SEL1L2: variants seen among roughly 807,000 people sequenced by gnomAD.
The protein encoded by SEL1L2 is protein sel-1 homolog 2.
Under a neutral mutation model 98.8 loss-of-function variants are expected in SEL1L2, and 89 were observed. The observed-to-expected ratio is 0.90, with a 90% CI of 0.76 to 1.07. The LOEUF (loss-of-function observed/expected upper bound fraction) is 1.07. Ranked by LOEUF, SEL1L2 falls within the 50% of genes least tolerant of loss-of-function variation. The pLI is 0.00. For missense variants in SEL1L2, 788 were observed against 812.0 expected, an observed-to-expected ratio of 0.97 and a Z score of 0.36; for synonymous variants, 262 against 278.5, an observed-to-expected ratio of 0.94 and a Z score of 0.59.
intron 5 of SEL1L2, among the ~76,000 whole-genome samples, chr20:13,906,335 A>C (rs930249823): frequency 7.9e-5 from 12 of 152,216 alleles, no homozygotes; most frequent in African/African-American, 2.9e-4. Flanking sequence ...TTAAACATTA[A>C]ATATTCCTCC....
chr20:13,987,262 T>C lies in SEL1L2; in HGVS notation c.58+3215A>G, dbSNP rs563478431. Among the ~76,000 whole-genome samples, 3 of 152,262 alleles carry C rather than the reference T, an allele frequency of 2.0e-5. No homozygotes were observed. The East Asian group carries it at 5.8e-4, about 29-fold the overall frequency. Reference sequence around the variant, plus strand: ...CCATTTTATATTCCAACCAGCAATGTGTGAAGGTTCTTGTTTCTCCACATC... The same window carrying C: ...CCATTTTATATTCCAACCAGCAATGCGTGAAGGTTCTTGTTTCTCCACATC... On this transcript the variant is annotated intron_variant, in intron 1 of 19. Transcript: ENST00000284951.
intron 5 of SEL1L2, among the ~76,000 whole-genome samples, chr20:13,897,352 A>G (rs769107653): frequency 1.3e-5 from 2 of 152,168 alleles, no homozygotes; most frequent in South Asian, 2.1e-4. Context: ...TTTGGCAGTG[A>G]TTTCTTGGAT....
intron 5 of SEL1L2, among the ~76,000 whole-genome samples, chr20:13,893,989 A>G (rs2047317984): frequency 6.6e-6 from 1 of 152,188 alleles, no homozygotes; most frequent in Non-Finnish European, 1.5e-5. Flanking sequence ...AAATGAAAAC[A>G]AACAACAAAA....
intron 5 of SEL1L2, among the ~76,000 whole-genome samples, chr20:13,896,445 G>C (rs1292206384): frequency 1.3e-5 from 2 of 152,028 alleles, no homozygotes; most frequent in Admixed American, 6.6e-5. Context: ...ACTCCAGCCT[G>C]GGCGACAGAG....
chr20:13,960,925 A>G (rs1387058212), intron 1 of SEL1L2, among the ~76,000 whole-genome samples: 1 of 152,212 alleles, frequency 6.6e-6, no homozygotes, highest in Non-Finnish European at 1.5e-5. Context: ...ATAAATATAT[A>G]TAATAGCGTA....
At chr20:13,865,771 T>C (rs910130301) in intron 15 of SEL1L2, among the ~76,000 whole-genome samples, 1 of 152,178 alleles carries the variant, frequency 6.6e-6, no homozygotes, top group Non-Finnish European at 1.5e-5. Flanking sequence ...ATTTGTATAA[T>C]AAACTTTCCT....
chr20:13,915,468 C>A (rs1330489139), intron 4 of SEL1L2, among the ~76,000 whole-genome samples: 3 of 152,156 alleles, frequency 2.0e-5, no homozygotes, highest in African/African-American at 4.8e-5. Context: ...CTCCCTTGAG[C>A]CTTTCTGTCA....
At chr20:13,939,323 G>A (rs1230242372) in intron 2 of SEL1L2, among the ~76,000 whole-genome samples, 4 of 151,968 alleles carry the variant, frequency 2.6e-5, no homozygotes, top group Admixed American at 6.5e-5. Context: ...GATTACAGGC[G>A]TGAGCCACCA....
chr20:13,865,393 C>T lies in SEL1L2; in HGVS notation c.1526G>A (p.Gly509Glu), dbSNP rs770147699. The T allele has an allele frequency of 2.5e-6, 4 of 1,613,824 alleles. No homozygotes were observed. The highest frequency in any genetic ancestry group is 2.5e-6 in the Non-Finnish European group (3 of 1,179,964). ...TGAATTGCTTTGAGCTACTTCATACCCCATTTCTGCAAGCAGTGCATACTG... is the reference window on the plus strand; with the variant it reads ...TGAATTGCTTTGAGCTACTTCATACTCCATTTCTGCAAGCAGTGCATACTG... Reference protein sequence around the residue: ...LVQYALLAEMGYEVAQSNSAF... With the variant: ...LVQYALLAEMEYEVAQSNSAF... Residue 509 changes from glycine to glutamate, a missense_variant, in exon 16 of 20, where the codon GGG becomes GAG. Transcript: ENST00000284951.
chr20:13,876,209 C>CATTCA, intron 11 of SEL1L2, 94 bp from the exon 12 acceptor site: 1 of 881,802 alleles, frequency 1.1e-6, no homozygotes, highest in Non-Finnish European at 1.9e-6. Context: ...AGTGGTACAA[C>CATTCA]ATATTGAATG....
rs570099941 is a variant in SEL1L2 at position 13,907,570 on chromosome 20, G to C, written c.549+6212C>G. ...GGCAATGGAGCAAGATCCTATCTCA[G>C]AAATAAATAAACCCAGAAAATAATT... On this transcript the variant is annotated intron_variant, in intron 5 of 19. Coordinates refer to ENST00000284951, the MANE Select transcript of SEL1L2 (RefSeq NM_025229.2). Among the ~76,000 whole-genome samples, 4 of 152,146 alleles carry C rather than the reference G, an allele frequency of 2.6e-5. No homozygotes were observed. In the East Asian group the frequency reaches 7.7e-4, roughly 29 times the overall value.
chr20:13,863,808 A>G (rs1041809634), intron 17 of SEL1L2, among the ~76,000 whole-genome samples: 1 of 151,986 alleles, frequency 6.6e-6, no homozygotes, highest in Non-Finnish European at 1.5e-5. Flanking sequence ...CGTCTCTACT[A>G]AAAATACAAA....
intron 5 of SEL1L2, among the ~76,000 whole-genome samples, chr20:13,901,659 A>C (rs1304018954): frequency 1.4e-5 from 2 of 144,118 alleles, no homozygotes; most frequent in Admixed American, 6.9e-5. Flanking sequence ...TTTTTTGCAA[A>C]TTTTTTTCTT....
At chr20:13,974,665 G>A (rs1384022482) in intron 1 of SEL1L2, among the ~76,000 whole-genome samples, 2 of 151,762 alleles carry the variant, frequency 1.3e-5, no homozygotes, top group Non-Finnish European at 1.5e-5. Context: ...TTTTAGTAGA[G>A]ACGGGGTCTC....
intron 3 of SEL1L2, among the ~76,000 whole-genome samples, chr20:13,927,696 A>G (rs562210142): frequency 5.3e-5 from 8 of 152,350 alleles, no homozygotes; most frequent in African/African-American, 1.9e-4. Context: ...GAACACCTAT[A>G]TCTCAAGCAT....
chr20:13,894,251 G>GT lies in SEL1L2; in HGVS notation c.550-5740dup, dbSNP rs950883684. On this transcript the variant is annotated intron_variant, in intron 5 of 19. Coordinates refer to ENST00000284951, the MANE Select transcript of SEL1L2 (RefSeq NM_025229.2). ...AGAAGTCAACAAAACTAAAAGTTAGGTTTTTTAAAAATATCAACAAAAGTC... is the reference window on the plus strand; with the variant it reads ...AGAAGTCAACAAAACTAAAAGTTAGGTTTTTTTAAAAATATCAACAAAAGTC... 2.3e-4 allele frequency among the ~76,000 whole-genome samples: 35 copies of GT among 152,232 alleles called. No homozygotes were observed. In the East Asian group the frequency reaches 5.6e-3, roughly 24 times the overall value.
At chr20:13,977,079 C>T (rs2051577323) in intron 1 of SEL1L2, among the ~76,000 whole-genome samples, 1 of 152,154 alleles carries the variant, frequency 6.6e-6, no homozygotes, top group Admixed American at 6.5e-5. Context: ...AGAGAAAAAA[C>T]ACAGGAGGAA....
intron 2 of SEL1L2, among the ~76,000 whole-genome samples, chr20:13,944,767 CA>C (rs1301223160): frequency 6.6e-6 from 1 of 152,094 alleles, no homozygotes; most frequent in Admixed American, 6.5e-5. Context: ...GTGAAAAATA[CA>C]AAGCGTTTTG....
intron 2 of SEL1L2, among the ~76,000 whole-genome samples, chr20:13,946,591 C>T (rs777464622): frequency 4.6e-5 from 7 of 152,344 alleles, no homozygotes; most frequent in East Asian, 1.9e-4. Flanking sequence ...CTGTGTGCTC[C>T]GCAGAGCCAG....
Sources: allele counts gnomAD v4.1 joint callset (sites outside exome capture counted in the v4.1 genomes callset), GRCh38; gene constraint gnomAD v4.1.1; transcripts MANE v1.5; gene names NCBI Gene and HGNC (gene_info 2026-07-23, HGNC 2026-07-21).